RNF11: variants seen among roughly 807,000 people sequenced by gnomAD.
The protein encoded by RNF11 is ring finger protein 11.
RNF11 carries 4 observed loss-of-function variants against 15.8 expected under a neutral mutation model. The ratio of observed to expected loss-of-function variants is 0.25; its 90% confidence interval spans 0.12 to 0.58. The LOEUF is 0.58. RNF11 is among the 20% of genes least tolerant of loss of function. RNF11 has a pLI of 0.91. For missense variants in RNF11, 139 were observed against 194.4 expected (o/e 0.71, Z 1.70); for synonymous variants, 68 against 72.3 (o/e 0.94, Z 0.30).
chr1:51,258,455 C>T (rs1424640637), intron 1 of RNF11, among the ~76,000 whole-genome samples: 6 of 152,062 alleles, frequency 3.9e-5, no homozygotes, highest in Non-Finnish European at 8.8e-5. Context: ...ACAGGAGCCT[C>T]TAGGAGTTCA....
chr1:51,239,239 A>G (rs1215910723), intron 1 of RNF11, among the ~76,000 whole-genome samples: 1 of 152,160 alleles, frequency 6.6e-6, no homozygotes, highest in African/African-American at 2.4e-5. Flanking sequence ...TATTAAAGGT[A>G]CTAGAATTTA....
At chr1:51,247,894 T>A (rs549368337) in intron 1 of RNF11, among the ~76,000 whole-genome samples, 1 of 152,266 alleles carries the variant, frequency 6.6e-6, no homozygotes, top group Admixed American at 6.5e-5. Context: ...CTTCTAAAAC[T>A]CTTAAAATTT....
At chr1:51,270,262 A>C (rs1433899407) in intron 2 of RNF11, 137 bp downstream of exon 2, 5 of 646,936 alleles carry the variant, frequency 7.7e-6, no homozygotes, top group Admixed American at 3.3e-5. Flanking sequence ...AGAATGTTTA[A>C]TTTTTTTTCA....
At chr1:51,264,288 ATATATATATATATATAT>A (rs1347762880) in intron 1 of RNF11, among the ~76,000 whole-genome samples, 2 of 38,876 alleles carry the variant, frequency 5.1e-5, no homozygotes, top group African/African-American at 2.3e-4. Context: ...AAAAAAAAAA[ATATATATATATATATAT>A]ATATATATAT....
At chr1:51,253,035 A>G (rs1255479670) in intron 1 of RNF11, among the ~76,000 whole-genome samples, 1 of 151,958 alleles carries the variant, frequency 6.6e-6, no homozygotes, top group Admixed American at 6.6e-5. Flanking sequence ...CATGTCAGCC[A>G]GGCTTGTCTC....
At chr1:51,258,412 A>G (rs926022162) in intron 1 of RNF11, among the ~76,000 whole-genome samples, 1 of 152,206 alleles carries the variant, frequency 6.6e-6, no homozygotes, top group Non-Finnish European at 1.5e-5. Context: ...AGAAAATGTT[A>G]TATAATACAC....
intron 1 of RNF11, among the ~76,000 whole-genome samples, chr1:51,248,367 T>A (rs1021822515): frequency 2.0e-5 from 3 of 151,958 alleles, no homozygotes; most frequent in Admixed American, 2.0e-4. Context: ...CCACCATGCC[T>A]GGCTAATTTT....
At chr1:51,242,973 G>C (rs1274368284) in intron 1 of RNF11, among the ~76,000 whole-genome samples, 1 of 152,068 alleles carries the variant, frequency 6.6e-6, no homozygotes, top group Non-Finnish European at 1.5e-5. Flanking sequence ...TTATGCTCAA[G>C]AAGTTCAGCC....
chr1:51,237,442 GTATA>G (rs66523963), intron 1 of RNF11, among the ~76,000 whole-genome samples: 55 of 140,518 alleles, frequency 3.9e-4, no homozygotes, highest in Admixed American at 3.0e-3. Flanking sequence ...ATATATATGT[GTATA>G]TATATATATA....
chr1:51,267,992 A>G (rs1299412238), intron 1 of RNF11, among the ~76,000 whole-genome samples: 1 of 152,188 alleles, frequency 6.6e-6, no homozygotes, highest in African/African-American at 2.4e-5. Flanking sequence ...CGGCCTTTCA[A>G]AGTTCTGGGA....
At chr1:51,264,032 T>A (rs1017931861) in intron 1 of RNF11, among the ~76,000 whole-genome samples, 1 of 151,848 alleles carries the variant, frequency 6.6e-6, no homozygotes, top group African/African-American at 2.4e-5. Context: ...GGCAGGAGGA[T>A]TGCTTGAGCC....
chr1:51,255,301 C>A (rs1349218182), intron 1 of RNF11, among the ~76,000 whole-genome samples: 2 of 152,120 alleles, frequency 1.3e-5, no homozygotes, highest in African/African-American at 4.8e-5. Flanking sequence ...CACACTGTTG[C>A]CCATGCTTGA....
At position 51,264,259 on chromosome 1, in the gene RNF11, C is replaced by CAA. The variant is rs1158509807; in HGVS notation, c.124-5669_124-5668dup. On this transcript the variant is annotated intron_variant, in intron 1 of 2. Transcript: ENST00000242719. ...TAGGTAACAGAATGAGACCCTATCTCAAAAAAAAAAAAAAAAAAAAAAAAA... is the reference window on the plus strand; with the variant it reads ...TAGGTAACAGAATGAGACCCTATCTCAAAAAAAAAAAAAAAAAAAAAAAAAAA... 3.7e-3 allele frequency among the ~76,000 whole-genome samples: 95 copies of CAA among 25,508 alleles called. 3 individuals carry two copies. The highest frequency in any genetic ancestry group is 6.1e-3 in the African/African-American group (37 of 6,046). The allele number at this position is 25,508 out of a possible 152,430, so 16.7% of individuals were successfully genotyped here.
chr1:51,265,998 TA>T (rs1409508851), intron 1 of RNF11: 1 of 152,102 alleles, frequency 6.6e-6, no homozygotes, highest in African/African-American at 2.4e-5. Context: ...ATAACAGAGC[TA>T]AATGACTGCA....
intron 1 of RNF11, among the ~76,000 whole-genome samples, chr1:51,237,442 G>GTATATATA (rs66523963): frequency 2.3e-4 from 32 of 140,516 alleles, no homozygotes; most frequent in South Asian, 6.8e-4. Context: ...ATATATATGT[G>GTATATATA]TATATATATA....
At chr1:51,246,397 A>G (rs1646851750) in intron 1 of RNF11, among the ~76,000 whole-genome samples, 1 of 151,740 alleles carries the variant, frequency 6.6e-6, no homozygotes, top group African/African-American at 2.4e-5. Context: ...CAAAATAGCG[A>G]GATCTCGTCT....
rs1460344030 is a variant in RNF11, at chr1:51,270,003, G to C, written c.171G>C (p.Arg57=). ...PVYHPTPSQT[R]LATQLTEEEQ... ...ACCACCCAACACCTAGCCAGACTCG[G>C]CTAGCAACTCAGCTGACTGAAGAGG... is the stretch of plus-strand genomic sequence containing the variant. The change falls in exon 2 of 3, where the codon CGG becomes CGC. Residue 57 remains arginine (R), a synonymous_variant. Transcript: ENST00000242719. The C allele has an allele frequency of 6.2e-7, 1 of 1,613,638 alleles. No homozygotes were observed.
At chr1:51,243,013 C>G (rs1241913473) in intron 1 of RNF11, among the ~76,000 whole-genome samples, 3 of 152,168 alleles carry the variant, frequency 2.0e-5, no homozygotes, top group South Asian at 4.1e-4. Flanking sequence ...CAACTAACTC[C>G]ACCTTTGTTA....
At chr1:51,246,333 G>A (rs1235676775) in intron 1 of RNF11, among the ~76,000 whole-genome samples, 4 of 152,152 alleles carry the variant, frequency 2.6e-5, no homozygotes, top group African/African-American at 9.7e-5. Flanking sequence ...CCAGCACTTT[G>A]GAAGGCCAAG....
Sources: gnomAD v4.1 joint callset for allele counts (sites outside exome capture counted in the v4.1 genomes callset) on GRCh38, gnomAD v4.1.1 for gene constraint, MANE v1.5 for transcripts, NCBI Gene and HGNC (gene_info 2026-07-23, HGNC 2026-07-21) for gene names.